PCDH11X: variants seen among roughly 807,000 people sequenced by gnomAD.
The protein encoded by PCDH11X is protocadherin 11 X-linked.
A neutral mutation model predicts 53.3 loss-of-function variants in PCDH11X; 18 were observed. The observed-to-expected ratio is 0.34, with a 90% CI of 0.23 to 0.50. The LOEUF is 0.50. PCDH11X is among the 20% of genes least tolerant of loss of function. PCDH11X has a pLI of 0.98. For missense variants in PCDH11X, 570 were observed against 1,032.4 expected (o/e 0.55, Z 6.14); for synonymous variants, 279 against 393.3 (o/e 0.71, Z 3.44).
intron 10 of PCDH11X, among the ~76,000 whole-genome samples, chrX:92,530,403 A>G (rs2074533467): frequency 9.0e-6 from 1 of 110,916 alleles, no homozygotes; most frequent in South Asian, 3.8e-4. Flanking sequence ...TACCGTTTAT[A>G]AAAACCTTCC....
chrX:91,845,426 G>A (rs1473444018), intron 5 of PCDH11X, among the ~76,000 whole-genome samples: 1 of 107,671 alleles, frequency 9.3e-6, no homozygotes, highest in Non-Finnish European at 1.9e-5. Flanking sequence ...CCCATCAAAT[G>A]CATCATTTTC....
intron 7 of PCDH11X, among the ~76,000 whole-genome samples, chrX:92,226,472 CA>C (rs1434820922): frequency 9.0e-6 from 1 of 111,504 alleles, no homozygotes; most frequent in African/African-American, 3.3e-5. Context: ...GACCCATAAT[CA>C]AACAAGGTAG....
At chrX:92,255,861 T>A (rs1457777204) in intron 7 of PCDH11X, among the ~76,000 whole-genome samples, 1 of 112,340 alleles carries the variant, frequency 8.9e-6, no homozygotes, top group East Asian at 2.9e-4. Flanking sequence ...GACATTTAAG[T>A]CTGCAGAGGT....
intron 1 of PCDH11X, among the ~76,000 whole-genome samples, chrX:91,805,514 A>C (rs1936067888): frequency 9.0e-6 from 1 of 111,485 alleles, no homozygotes. Context: ...GAGTAGTTTC[A>C]CACTAAAATG....
intron 9 of PCDH11X, among the ~76,000 whole-genome samples, chrX:92,412,430 T>C (rs1484020238): frequency 9.9e-6 from 1 of 100,814 alleles, no homozygotes; most frequent in Non-Finnish European, 2.0e-5. Context: ...ACTGAGGTGC[T>C]ACACTGTCAC....
intron 7 of PCDH11X, among the ~76,000 whole-genome samples, chrX:92,254,131 G>A (rs530192926): frequency 8.9e-6 from 1 of 112,167 alleles, no homozygotes; most frequent in African/African-American, 3.2e-5. Context: ...TTTTTATCAT[G>A]CAATGATGTT....
chrX:92,371,807 GCTTTTGGGTAATAAGGGTTTAGGTA>G (rs1348776458), intron 8 of PCDH11X, among the ~76,000 whole-genome samples: 6 of 109,289 alleles, frequency 5.5e-5, no homozygotes, highest in Non-Finnish European at 7.6e-5. Flanking sequence ...TGATTTGATG[GCTTTTGGGTAATAAGGGTTTAGGTA>G]CTTTTGGGTA....
At position 92,477,749 on chromosome X, in the gene PCDH11X, A is replaced by C. The variant is rs143639902; in HGVS notation, c.3367+9427A>C. Among the ~76,000 whole-genome samples the C allele has an allele frequency of 3.7e-4, 39 of 105,792 alleles. No individual in the cohort carries two copies. The East Asian group carries it at 9.2e-3, about 25-fold the overall frequency. The allele number at this position is 105,792 out of a possible 115,157, so 91.9% of individuals were successfully genotyped here. A position where few individuals can be genotyped will look rare whatever the true frequency, so the allele number is the denominator to read the frequency against. On this transcript the variant is annotated intron_variant, in intron 10 of 10. Transcript: ENST00000682573. ...CTCAGAATTTCACCCAAGGCACTAG[A>C]AGTATTGCCTGGGTATTATTGCTGG... is the stretch of plus-strand genomic sequence containing the variant.
At chrX:92,208,737 A>G (rs1455114492) in intron 7 of PCDH11X, among the ~76,000 whole-genome samples, 2 of 106,214 alleles carry the variant, frequency 1.9e-5, no homozygotes, top group Non-Finnish European at 3.9e-5. Context: ...CAATTTTTAG[A>G]AATGGTAAAT....
At chrX:92,543,009 T>A (rs895064867) in intron 10 of PCDH11X, among the ~76,000 whole-genome samples, 1 of 111,239 alleles carries the variant, frequency 9.0e-6, no homozygotes, top group African/African-American at 3.3e-5. Context: ...CCTACAATTT[T>A]ATCCTTTACA....
intron 8 of PCDH11X, among the ~76,000 whole-genome samples, chrX:92,303,018 A>G (rs2068754212): frequency 9.3e-6 from 1 of 107,011 alleles, no homozygotes; most frequent in South Asian, 4.3e-4. Context: ...TCGAAGCAGA[A>G]TGTAATTACT....
At chrX:92,445,438 T>A (rs4341301) in intron 9 of PCDH11X, among the ~76,000 whole-genome samples, 1 of 100,290 alleles carries the variant, frequency 1.0e-5, no homozygotes. Flanking sequence ...ATACTACAAC[T>A]TGCTTGAAAA....
intron 10 of PCDH11X, among the ~76,000 whole-genome samples, chrX:92,479,371 A>T (rs1327598774): frequency 9.1e-6 from 1 of 110,233 alleles, no homozygotes; most frequent in Non-Finnish European, 1.9e-5. Flanking sequence ...CAAGGTTAGT[A>T]CTGATATGTA....
intron 8 of PCDH11X, 39 bp from the exon 9 acceptor site, chrX:92,387,696 T>A: frequency 8.3e-7 from 1 of 1,211,830 alleles, no homozygotes; most frequent in Non-Finnish European, 1.1e-6. Flanking sequence ...ATTATTCAGA[T>A]CATATCTGAA....
intron 6 of PCDH11X, among the ~76,000 whole-genome samples, chrX:92,076,469 T>C (rs1281453349): frequency 3.8e-5 from 4 of 106,371 alleles, no homozygotes; most frequent in African/African-American, 1.4e-4. Flanking sequence ...ATCGATTAAA[T>C]AGTTTCTCTG....
intron 4 of PCDH11X, among the ~76,000 whole-genome samples, chrX:91,832,274 A>C (rs1219738765): frequency 9.1e-6 from 1 of 109,568 alleles, no homozygotes; most frequent in East Asian, 2.9e-4. Flanking sequence ...CTGGATTAAG[A>C]AAATGTGGCA....
chrX:92,209,829 A>G (rs1603182418), intron 7 of PCDH11X, among the ~76,000 whole-genome samples: 1 of 112,386 alleles, frequency 8.9e-6, no homozygotes, highest in African/African-American at 3.2e-5. Flanking sequence ...GTTTTTCCAT[A>G]CATCCTCTGA....
At chrX:92,151,185 A>G (rs1353703737) in intron 6 of PCDH11X, among the ~76,000 whole-genome samples, 3 of 107,806 alleles carry the variant, frequency 2.8e-5, no homozygotes, top group African/African-American at 1.0e-4. Context: ...TTTTTATTTT[A>G]TTTATCTATT....
At chrX:92,024,718 C>CAAAAAAAAAAAA (rs199917287) in intron 6 of PCDH11X, among the ~76,000 whole-genome samples, 78 of 54,630 alleles carry the variant, frequency 1.4e-3, no homozygotes, top group Non-Finnish European at 2.0e-3. Flanking sequence ...CAATCCTAAG[C>CAAAAAAAAAAAA]AAAAAAAAAA....
Sources: gnomAD v4.1 joint callset for allele counts (sites outside exome capture counted in the v4.1 genomes callset) on GRCh38, gnomAD v4.1.1 for gene constraint, MANE v1.5 for transcripts, NCBI Gene and HGNC (gene_info 2026-07-23, HGNC 2026-07-21) for gene names.